OR2C1: variants seen among roughly 807,000 people sequenced by gnomAD.
OR2C1 encodes the protein olfactory receptor family 2 subfamily C member 1, also known as olfactory receptor 2C1.
For synonymous variants in OR2C1, 209 were observed against 167.3 expected (o/e 1.25, Z -1.92); for missense variants, 468 against 388.3 (o/e 1.21, Z -1.73).
chr16:3,356,727 G>C lies in OR2C1; in HGVS notation c.787G>C (p.Ala263Pro). ...AGCCAGCTATGGGTATCTGCTTCCG[G>C]CCAAGAACAGCAAACAGGACCAGGG... Reference protein sequence around the residue: ...GSASYGYLLPAKNSKQDQGKF... With the variant: ...GSASYGYLLPPKNSKQDQGKF... The change falls in exon 1 of 1, where the codon GCC (alanine) becomes CCC (proline). Residue 263 changes from alanine to proline, a missense_variant. Ala to Pro is a conservative substitution (Grantham distance 27). Coordinates refer to ENST00000304936, the MANE Select transcript of OR2C1 (RefSeq NM_012368.3). 1 of 1,614,062 alleles carries C rather than the reference G, an allele frequency of 6.2e-7. No individual in the cohort carries two copies. Among genetic ancestry groups the C allele is most frequent in the Non-Finnish European group, 8.5e-7 (1 of 1,179,994 alleles).
chr16:3,328,488 T>C, the OR2C1 span, among the ~76,000 whole-genome samples: 1 of 152,224 alleles, frequency 6.6e-6, no homozygotes, highest in Non-Finnish European at 1.5e-5. Flanking sequence ...TGGGAAGATA[T>C]TTATTGGTCA....
chr16:3,324,768 C>G, the OR2C1 span, among the ~76,000 whole-genome samples: 5 of 152,036 alleles, frequency 3.3e-5, no homozygotes, highest in African/African-American at 1.2e-4. Flanking sequence ...CACACACACA[C>G]GTATATATAT....
the OR2C1 span, among the ~76,000 whole-genome samples, chr16:3,330,872 G>T: frequency 1.3e-5 from 2 of 152,072 alleles, no homozygotes; most frequent in Non-Finnish European, 2.9e-5. Flanking sequence ...CTCCTGAGTG[G>T]CTAGGACTAC....
the OR2C1 span, among the ~76,000 whole-genome samples, chr16:3,337,319 T>C: frequency 6.6e-6 from 1 of 151,608 alleles, no homozygotes; most frequent in Non-Finnish European, 1.5e-5. Context: ...CATGCCCAGC[T>C]AATTTTTTAA....
the OR2C1 span, among the ~76,000 whole-genome samples, chr16:3,327,597 G>C: frequency 8.7e-4 from 131 of 150,902 alleles, no homozygotes; most frequent in African/African-American, 2.4e-3. Context: ...AGAGTGGTCC[G>C]GAAGGGATAC....
At chr16:3,323,323 TCTC>T in the OR2C1 span, 5 of 1,095,078 alleles carry the variant, frequency 4.6e-6, no homozygotes, top group Non-Finnish European at 6.9e-6. Context: ...AACCATGAGA[TCTC>T]CTGGAAATGC....
At chr16:3,331,763 A>G in the OR2C1 span, among the ~76,000 whole-genome samples, 1 of 151,556 alleles carries the variant, frequency 6.6e-6, no homozygotes, top group Non-Finnish European at 1.5e-5. Context: ...GCTGCTATAA[A>G]GGCACATGCA....
upstream of OR2C1, among the ~76,000 whole-genome samples, chr16:3,354,000 T>C (rs1405099881): frequency 2.6e-5 from 4 of 151,122 alleles, no homozygotes; most frequent in African/African-American, 7.3e-5. Flanking sequence ...TTTTTTTTTT[T>C]TGAGACAGAG....
the OR2C1 span, among the ~76,000 whole-genome samples, chr16:3,326,941 G>A: frequency 6.6e-6 from 1 of 152,116 alleles, no homozygotes; most frequent in African/African-American, 2.4e-5. Flanking sequence ...ACCTAGAACT[G>A]CCCAGTACTT....
chr16:3,341,159 C>T, the OR2C1 span, among the ~76,000 whole-genome samples: 1 of 151,938 alleles, frequency 6.6e-6, no homozygotes, highest in East Asian at 1.9e-4. Context: ...ACAAGTCTTT[C>T]ATCTACTTGG....
chr16:3,342,649 G>A, the OR2C1 span, among the ~76,000 whole-genome samples: 1 of 152,202 alleles, frequency 6.6e-6, no homozygotes, highest in African/African-American at 2.4e-5. Context: ...AGAGGCTGAG[G>A]TGGGTGGATC....
At chr16:3,331,262 G>T in the OR2C1 span, among the ~76,000 whole-genome samples, 1 of 151,974 alleles carries the variant, frequency 6.6e-6, no homozygotes, top group East Asian at 1.9e-4. Context: ...AATTTGTTTG[G>T]GTTCATTGTA....
Position 3,356,106 on chromosome 16 carries a change from C to A in OR2C1, c.166C>A (p.His56Asn). 6.2e-7 allele frequency: 1 copy of A among 1,614,206 alleles called. No individual in the cohort carries two copies. The highest frequency in any genetic ancestry group is 1.6e-4 in the Middle Eastern group (1 of 6,062). The change falls in exon 1 of 1, where the codon CAT becomes AAT. Residue 56 changes from histidine to asparagine, a missense_variant. Physicochemically the swap from His to Asn is moderately conservative, Grantham distance 68. Transcript: ENST00000304936. ...GCTTTCCCGCCTGGAGGCCCGGCTC[C>A]ATACACCCATGTACTTCTTCCTCAG... ...ILLSRLEARL[H>N]TPMYFFLSNL...
At chr16:3,328,336 G>A in the OR2C1 span, among the ~76,000 whole-genome samples, 1 of 152,206 alleles carries the variant, frequency 6.6e-6, no homozygotes, top group South Asian at 2.1e-4. Flanking sequence ...CCTTCTGCAA[G>A]TCTCAAATCA....
the OR2C1 span, among the ~76,000 whole-genome samples, chr16:3,325,460 AATATATATATATATATAT>A: frequency 0.043 from 4,025 of 93,144 alleles, 214 homozygotes; most frequent in East Asian, 0.23. Flanking sequence ...TATGTCTAAA[AATATATATATATATATAT>A]ATATATATAT....
chr16:3,325,486 T>A, the OR2C1 span, among the ~76,000 whole-genome samples: 3,402 of 115,780 alleles, frequency 0.029, 189 homozygotes, highest in African/African-American at 0.1. Context: ...TATATATATA[T>A]ATATATATAT....
the OR2C1 span, among the ~76,000 whole-genome samples, chr16:3,328,629 T>C: frequency 1.3e-5 from 2 of 152,102 alleles, no homozygotes; most frequent in East Asian, 3.9e-4. Flanking sequence ...AAATAACTGG[T>C]GTAGGAAATT....
the OR2C1 span, among the ~76,000 whole-genome samples, chr16:3,329,523 C>T: frequency 6.6e-6 from 1 of 152,060 alleles, no homozygotes; most frequent in South Asian, 2.1e-4. Flanking sequence ...GATCTCAGCT[C>T]ACTGCAAGCT....
At chr16:3,339,999 C>T in the OR2C1 span, among the ~76,000 whole-genome samples, 1 of 152,212 alleles carries the variant, frequency 6.6e-6, no homozygotes, top group East Asian at 1.9e-4. Flanking sequence ...TGAGTTGTGG[C>T]TGGGTGCAGT....
Sources: allele counts gnomAD v4.1 joint callset (sites outside exome capture counted in the v4.1 genomes callset), GRCh38; gene constraint gnomAD v4.1.1; transcripts MANE v1.5; gene names NCBI Gene and HGNC (gene_info 2026-07-23, HGNC 2026-07-21).